The following NFIB variants were observed in gnomAD, a reference collection of about 807,000 sequenced individuals.
NFIB encodes the protein nuclear factor 1 B-type.
In NFIB, 11 loss-of-function variants were observed where a neutral mutation model predicts 61.5. The ratio of observed to expected loss-of-function variants is 0.18; its 90% CI spans 0.11 to 0.30. NFIB has a LOEUF of 0.30. Among genes scored for constraint, NFIB ranks in the 10% least tolerant of loss-of-function variants. The pLI is 1.00. For missense variants in NFIB, 471 were observed against 608.9 expected, an observed-to-expected ratio of 0.77 and a Z score of 2.38; for synonymous variants, 260 against 216.5, an observed-to-expected ratio of 1.20 and a Z score of -1.76.
At chr9:14,391,390 A>T (rs1460093559) in intron 1 of NFIB, among the ~76,000 whole-genome samples, 1 of 148,592 alleles carries the variant, frequency 6.7e-6, no homozygotes, top group Non-Finnish European at 1.5e-5. Flanking sequence ...GGTGATGATC[A>T]GGTGGTTCTT....
chr9:14,182,708 C>CTCTCTG (rs778914837), intron 2 of NFIB, among the ~76,000 whole-genome samples: 378 of 96,980 alleles, frequency 3.9e-3, no homozygotes, highest in Middle Eastern at 0.013. Context: ...CTCTCTCTCT[C>CTCTCTG]TGTGTGTGTG....
At chr9:14,345,975 C>G (rs764339290) in intron 1 of NFIB, among the ~76,000 whole-genome samples, 3 of 152,204 alleles carry the variant, frequency 2.0e-5, no homozygotes, top group Admixed American at 1.3e-4. Flanking sequence ...TCTCTGACAC[C>G]GCCATGGTGG....
chr9:14,259,566 G>A (rs2056551025), intron 2 of NFIB, among the ~76,000 whole-genome samples: 1 of 152,156 alleles, frequency 6.6e-6, no homozygotes, highest in African/African-American at 2.4e-5. Flanking sequence ...ACAGCTCCAG[G>A]GGTACTGCCA....
chr9:14,469,451 T>C, the NFIB span, among the ~76,000 whole-genome samples: 1 of 152,196 alleles, frequency 6.6e-6, no homozygotes, highest in African/African-American at 2.4e-5. Context: ...GACTTAGGTA[T>C]CAAATCAGTG....
the NFIB span, among the ~76,000 whole-genome samples, chr9:14,458,932 G>T: frequency 2.0e-5 from 3 of 151,962 alleles, no homozygotes; most frequent in Non-Finnish European, 4.4e-5. Flanking sequence ...CGTGAAAATG[G>T]CCATACTGCC....
At chr9:14,122,063 T>C (rs1265711321) in intron 7 of NFIB, among the ~76,000 whole-genome samples, 2 of 151,568 alleles carry the variant, frequency 1.3e-5, no homozygotes, top group Non-Finnish European at 2.9e-5. Flanking sequence ...TTATAAACGA[T>C]AAATGTCTAA....
intron 6 of NFIB, among the ~76,000 whole-genome samples, chr9:14,129,422 A>C (rs1047248742): frequency 5.3e-4 from 80 of 151,810 alleles, no homozygotes; most frequent in African/African-American, 1.8e-3. Flanking sequence ...CAAAAAAAAA[A>C]CACCCTCTCT....
intron 4 of NFIB, among the ~76,000 whole-genome samples, chr9:14,155,122 C>A (rs990616824): frequency 1.3e-5 from 2 of 152,122 alleles, no homozygotes; most frequent in African/African-American, 4.8e-5. Context: ...AAAGGAGTCA[C>A]CTTCTTTAAC....
chr9:14,266,501 A>G (rs2057211475), intron 2 of NFIB, among the ~76,000 whole-genome samples: 1 of 152,080 alleles, frequency 6.6e-6, no homozygotes. Flanking sequence ...AGGCTGAGGC[A>G]GGAGGATTTC....
upstream of NFIB, among the ~76,000 whole-genome samples, chr9:14,315,437 G>A: frequency 6.7e-6 from 1 of 149,432 alleles, no homozygotes; most frequent in Non-Finnish European, 1.5e-5. Flanking sequence ...AGCCCCGCTG[G>A]CTGGCTCCCA....
At chr9:14,341,442 G>A (rs2060949014) in intron 1 of NFIB, among the ~76,000 whole-genome samples, 1 of 152,160 alleles carries the variant, frequency 6.6e-6, no homozygotes, top group Non-Finnish European at 1.5e-5. Flanking sequence ...CCACATCTAT[G>A]TCATAAGTAG....
chr9:14,517,807 CAG>C, the NFIB span, among the ~76,000 whole-genome samples: 3 of 152,094 alleles, frequency 2.0e-5, no homozygotes, highest in Non-Finnish European at 4.4e-5. Context: ...TTTCCCAGTT[CAG>C]AGTCATGCTC....
At chr9:14,412,581 C>T in the NFIB span, among the ~76,000 whole-genome samples, 3 of 152,206 alleles carry the variant, frequency 2.0e-5, no homozygotes, top group Non-Finnish European at 4.4e-5. Flanking sequence ...GTCCTGCTTT[C>T]TTCTCATCGG....
intron 1 of NFIB, among the ~76,000 whole-genome samples, chr9:14,341,999 C>T (rs1266929880): frequency 1.3e-5 from 2 of 151,562 alleles, no homozygotes; most frequent in Non-Finnish European, 2.9e-5. Flanking sequence ...AAACAGCATT[C>T]CCAATTGGGA....
chr9:14,375,300 A>T (rs979550047), intron 1 of NFIB, among the ~76,000 whole-genome samples: 3 of 152,194 alleles, frequency 2.0e-5, no homozygotes, highest in African/African-American at 7.2e-5. Context: ...AAAGGAAAAG[A>T]GGAAGGCAAA....
chr9:14,304,663 T>G (rs961199567), intron 2 of NFIB, among the ~76,000 whole-genome samples: 6 of 152,256 alleles, frequency 3.9e-5, no homozygotes, highest in Non-Finnish European at 8.8e-5. Flanking sequence ...TGATTTTTCT[T>G]TCGTGTTTTC....
intron 1 of NFIB, among the ~76,000 whole-genome samples, chr9:14,368,899 C>A (rs1309854775): frequency 1.3e-5 from 2 of 152,152 alleles, no homozygotes; most frequent in African/African-American, 4.8e-5. Context: ...GTTTTCCCAA[C>A]TATATAGGGA....
At chr9:14,406,750 T>C in the NFIB span, among the ~76,000 whole-genome samples, 2 of 152,220 alleles carry the variant, frequency 1.3e-5, no homozygotes, top group Admixed American at 1.3e-4. Flanking sequence ...GCACATGGAC[T>C]GTGTCTCCAC....
At chr9:14,263,233 ATTAT>A (rs755982704) in intron 2 of NFIB, among the ~76,000 whole-genome samples, 12 of 151,568 alleles carry the variant, frequency 7.9e-5, no homozygotes, top group Non-Finnish European at 1.6e-4. Context: ...CCCTTACTGC[ATTAT>A]TTAAAGGTGG....
Sources: allele counts gnomAD v4.1 joint callset (sites outside exome capture counted in the v4.1 genomes callset), GRCh38; gene constraint gnomAD v4.1.1; transcripts MANE v1.5; gene names NCBI Gene and HGNC (gene_info 2026-07-23, HGNC 2026-07-21).